Variants in RIC1 observed in about 807,000 individuals in gnomAD.
RIC1 encodes RIC1 partner of RAB6A GEF complex.
RIC1 carries 88 observed loss-of-function variants against 169.0 expected under a neutral mutation model. The observed-to-expected ratio is 0.52, with a 90% CI of 0.44 to 0.62. The LOEUF is 0.62. RIC1 is among the 20% of genes least tolerant of loss of function. RIC1 has a pLI of 0.00. For synonymous variants in RIC1, 790 were observed against 601.5 expected, an observed-to-expected ratio of 1.31 and a Z score of -4.59; for missense variants, 1,877 against 1,725.5, an observed-to-expected ratio of 1.09 and a Z score of -1.56.
At position 5,775,832 on chromosome 9, in the gene RIC1, A is replaced by T. The variant is rs1827552680; in HGVS notation, c.*1586A>T. 6.6e-6 allele frequency: 1 copy of T among 152,192 alleles called. No homozygotes were observed. The highest frequency in any genetic ancestry group is 1.5e-5 in the Non-Finnish European group (1 of 68,008). 9.4% of individuals were successfully genotyped at this position (152,192 alleles called of 1,614,324 possible). A position where few individuals can be genotyped will look rare whatever the true frequency, so the allele number is the denominator to read the frequency against. On this transcript the variant is annotated 3_prime_UTR_variant, in exon 26 of 26. Coordinates refer to ENST00000414202, the MANE Select transcript of RIC1 (RefSeq NM_020829.4). ...AATGAAACTCCCGAATGGGTGGAGT[A>T]TGTGATTATTGGTACCTGGTCCTTC...
At chr9:5,635,468 A>C (rs1817928406) in intron 1 of RIC1, among the ~76,000 whole-genome samples, 1 of 152,082 alleles carries the variant, frequency 6.6e-6, no homozygotes, top group African/African-American at 2.4e-5. Flanking sequence ...CATTCTTAGC[A>C]CTTTGTGAAA....
intron 11 of RIC1, among the ~76,000 whole-genome samples, chr9:5,747,079 C>G (rs1009489257): frequency 2.0e-5 from 3 of 152,198 alleles, no homozygotes; most frequent in African/African-American, 7.2e-5. Context: ...CACTGGCTTT[C>G]TAGCTGAAAT....
intron 2 of RIC1, among the ~76,000 whole-genome samples, chr9:5,663,901 C>T (rs1819600899): frequency 6.6e-6 from 1 of 152,160 alleles, no homozygotes; most frequent in Admixed American, 6.5e-5. Flanking sequence ...CATAGTGTCA[C>T]TGATCTGTTT....
intron 1 of RIC1, among the ~76,000 whole-genome samples, chr9:5,646,217 C>G (rs1219605213): frequency 6.6e-6 from 1 of 152,052 alleles, no homozygotes; most frequent in Non-Finnish European, 1.5e-5. Context: ...ATGTGTATGC[C>G]TTCTTTGAAA....
chr9:5,712,489 T>C (rs1048625428), intron 3 of RIC1, among the ~76,000 whole-genome samples: 3 of 152,058 alleles, frequency 2.0e-5, no homozygotes, highest in Admixed American at 6.6e-5. Context: ...TCAAACAAAT[T>C]TACAAGAAAA....
intron 2 of RIC1, among the ~76,000 whole-genome samples, chr9:5,666,730 C>G (rs966111474): frequency 6.6e-6 from 1 of 152,044 alleles, no homozygotes; most frequent in Non-Finnish European, 1.5e-5. Context: ...TGAATGAATC[C>G]CACTTTGTCA....
intron 2 of RIC1, among the ~76,000 whole-genome samples, chr9:5,671,508 T>G (rs2130569235): frequency 6.6e-6 from 1 of 152,304 alleles, no homozygotes; most frequent in South Asian, 2.1e-4. Flanking sequence ...ACTCCTGACC[T>G]CAGGTGACCC....
At chr9:5,686,572 A>T (rs1377748072) in intron 2 of RIC1, among the ~76,000 whole-genome samples, 4 of 147,096 alleles carry the variant, frequency 2.7e-5, no homozygotes, top group Admixed American at 6.9e-5. Context: ...GTGGGAATTG[A>T]ACAATGAGAT....
At chr9:5,659,206 A>T (rs1819295775) in intron 2 of RIC1, among the ~76,000 whole-genome samples, 1 of 152,024 alleles carries the variant, frequency 6.6e-6, no homozygotes, top group African/African-American at 2.4e-5. Flanking sequence ...TCAATTGGCC[A>T]TTGGTATTTG....
At chr9:5,740,073 A>T (rs1335901549) in intron 8 of RIC1, among the ~76,000 whole-genome samples, 1 of 152,158 alleles carries the variant, frequency 6.6e-6, no homozygotes, top group East Asian at 1.9e-4. Context: ...GGAATCCCTG[A>T]GTTCATCATT....
intron 2 of RIC1, among the ~76,000 whole-genome samples, chr9:5,664,443 A>G (rs1293430213): frequency 2.0e-5 from 3 of 151,764 alleles, no homozygotes; most frequent in Non-Finnish European, 4.4e-5. Context: ...ATTGGCCCCA[A>G]TCTCTTCTGG....
intron 3 of RIC1, among the ~76,000 whole-genome samples, chr9:5,710,515 A>G (rs1173430726): frequency 1.3e-5 from 2 of 152,200 alleles, no homozygotes; most frequent in Non-Finnish European, 2.9e-5. Flanking sequence ...CTGGCTGGCC[A>G]CTACCCTGCT....
intron 2 of RIC1, among the ~76,000 whole-genome samples, chr9:5,668,325 TA>T (rs1819901885): frequency 1.3e-5 from 2 of 152,220 alleles, no homozygotes; most frequent in Admixed American, 1.3e-4. Context: ...TTATATTTGA[TA>T]AGCTGCTTCT....
At chr9:5,749,456 C>T (rs983178316) in intron 12 of RIC1, among the ~76,000 whole-genome samples, 2 of 152,086 alleles carry the variant, frequency 1.3e-5, no homozygotes, top group Non-Finnish European at 2.9e-5. Flanking sequence ...GTTTAATTTG[C>T]CCCACAATAG....
intron 2 of RIC1, among the ~76,000 whole-genome samples, chr9:5,672,301 G>A (rs1820154055): frequency 6.6e-6 from 1 of 152,110 alleles, no homozygotes; most frequent in Admixed American, 6.6e-5. Flanking sequence ...AACTAAACAA[G>A]TAAAATATGT....
chr9:5,676,844 A>T (rs1456142909), intron 2 of RIC1, among the ~76,000 whole-genome samples: 1 of 152,202 alleles, frequency 6.6e-6, no homozygotes, highest in Admixed American at 6.5e-5. Flanking sequence ...ATATTTTGAG[A>T]TTCATCCATT....
chr9:5,655,809 T>G (rs1563873090), intron 1 of RIC1, among the ~76,000 whole-genome samples: 1 of 152,160 alleles, frequency 6.6e-6, no homozygotes, highest in Non-Finnish European at 1.5e-5. Context: ...TTTGATTTGC[T>G]AATATTTTGT....
At chr9:5,639,784 A>G (rs902052911) in intron 1 of RIC1, among the ~76,000 whole-genome samples, 1 of 152,052 alleles carries the variant, frequency 6.6e-6, no homozygotes, top group Non-Finnish European at 1.5e-5. Context: ...TGTACATATG[A>G]TTGTTATATT....
At chr9:5,692,463 G>A (rs183873503) in intron 3 of RIC1, among the ~76,000 whole-genome samples, 2 of 151,952 alleles carry the variant, frequency 1.3e-5, no homozygotes, top group Non-Finnish European at 2.9e-5. Context: ...AAGCTTTTAA[G>A]TAATTTTTAA....
Sources: allele counts gnomAD v4.1 joint callset (sites outside exome capture counted in the v4.1 genomes callset), GRCh38; gene constraint gnomAD v4.1.1; transcripts MANE v1.5; gene names NCBI Gene and HGNC (gene_info 2026-07-23, HGNC 2026-07-21).